Variants in LHFPL3 observed in about 807,000 individuals in gnomAD.
The protein encoded by LHFPL3 is LHFPL tetraspan subfamily member 3, also known as LHFPL tetraspan subfamily member 3 protein.
A neutral mutation model predicts 19.3 loss-of-function variants in LHFPL3; 5 were observed. The observed-to-expected ratio is 0.26, with a 90% CI of 0.14 to 0.54. LHFPL3 has a LOEUF of 0.54. LHFPL3 is among the 20% of genes least tolerant of loss of function. LHFPL3 has a pLI of 0.94. For missense variants in LHFPL3, 249 were observed against 307.4 expected (o/e 0.81, Z 1.42); for synonymous variants, 133 against 126.2 (o/e 1.05, Z -0.36).
At chr7:104,398,056 T>G (rs1489591039) in intron 1 of LHFPL3, among the ~76,000 whole-genome samples, 3 of 126,752 alleles carry the variant, frequency 2.4e-5, no homozygotes, top group Non-Finnish European at 4.9e-5. Flanking sequence ...TTCTATGCAT[T>G]TAACTTTTTT....
At chr7:104,804,838 T>C (rs1790323893) in intron 2 of LHFPL3, among the ~76,000 whole-genome samples, 1 of 152,226 alleles carries the variant, frequency 6.6e-6, no homozygotes, top group Non-Finnish European at 1.5e-5. Context: ...GTGAGAGATA[T>C]TGAGACAATG....
Position 104,696,445 on chromosome 7 carries a change from GGTGTGTGT to G in LHFPL3, c.446-40210_446-40203del, listed in dbSNP as rs5886329. Among the ~76,000 whole-genome samples the G allele has an allele frequency of 8.7e-4, 131 of 149,800 alleles. 1 individual carries two copies. The highest frequency in any genetic ancestry group is 6.9e-3 in the Middle Eastern group (2 of 290). ...AACAGAAAAATAAAAAGTGTTACTA[GGTGTGTGT>G]GTGTGTGTGTGTGTGTGTGCTTACA... On this transcript the variant is annotated intron_variant, in intron 1 of 2. Transcript: ENST00000424859.
At chr7:104,447,638 G>GCA (rs1792354590) in intron 1 of LHFPL3, among the ~76,000 whole-genome samples, 3 of 152,000 alleles carry the variant, frequency 2.0e-5, no homozygotes, top group African/African-American at 7.2e-5. Context: ...ACCAACGACT[G>GCA]CCATTTGTTC....
intron 1 of LHFPL3, among the ~76,000 whole-genome samples, chr7:104,630,754 T>C (rs1378855449): frequency 1.3e-5 from 2 of 152,120 alleles, no homozygotes; most frequent in African/African-American, 4.8e-5. Context: ...AGGTTGGATA[T>C]AAATAATTAT....
At chr7:104,743,082 C>T (rs1363970366) in intron 2 of LHFPL3, among the ~76,000 whole-genome samples, 1 of 152,160 alleles carries the variant, frequency 6.6e-6, no homozygotes, top group African/African-American at 2.4e-5. Flanking sequence ...GATCACGCCA[C>T]TGCACTCCAG....
At chr7:104,637,314 C>G (rs1252763969) in intron 1 of LHFPL3, among the ~76,000 whole-genome samples, 1 of 152,178 alleles carries the variant, frequency 6.6e-6, no homozygotes, top group Admixed American at 6.5e-5. Context: ...CAAAGATTTT[C>G]TACCATTCTA....
intron 1 of LHFPL3, among the ~76,000 whole-genome samples, chr7:104,358,668 C>A (rs940148678): frequency 2.6e-5 from 4 of 152,200 alleles, no homozygotes; most frequent in African/African-American, 9.7e-5. Flanking sequence ...TCTTCAGATA[C>A]AAGAAGCTTT....
chr7:104,847,324 C>T (rs1274927290), intron 2 of LHFPL3, among the ~76,000 whole-genome samples: 1 of 152,186 alleles, frequency 6.6e-6, no homozygotes, highest in Non-Finnish European at 1.5e-5. Context: ...GTCTCTGAGG[C>T]AGTCAGAGAA....
chr7:104,657,238 G>A (rs546888370), intron 1 of LHFPL3, among the ~76,000 whole-genome samples: 122 of 152,334 alleles, frequency 8.0e-4, no homozygotes, highest in Admixed American at 2.4e-3. Context: ...TAAACAAGTA[G>A]CAGTTTGTAC....
intron 2 of LHFPL3, among the ~76,000 whole-genome samples, chr7:104,814,296 G>A (rs2116508420): frequency 6.6e-6 from 1 of 152,112 alleles, no homozygotes; most frequent in Admixed American, 6.5e-5. Flanking sequence ...AGAGTGGGTG[G>A]CTCCTCTCTG....
At chr7:104,364,542 CTCTTG>C (rs1194563453) in intron 1 of LHFPL3, among the ~76,000 whole-genome samples, 2 of 152,200 alleles carry the variant, frequency 1.3e-5, no homozygotes, top group Admixed American at 6.5e-5. Flanking sequence ...CAAAATTGTA[CTCTTG>C]TCTTGGGGAC....
intron 1 of LHFPL3, among the ~76,000 whole-genome samples, chr7:104,650,647 G>A (rs79292669): frequency 0.086 from 13,048 of 151,942 alleles, 730 homozygotes; most frequent in Middle Eastern, 0.15. Flanking sequence ...AAGCTTTTTC[G>A]GCCTGAAGAA....
intron 2 of LHFPL3, among the ~76,000 whole-genome samples, chr7:104,884,538 C>T (rs735443): frequency 0.58 from 88,886 of 152,088 alleles, 26,379 homozygotes; most frequent in African/African-American, 0.66. Flanking sequence ...AGCTTGAAGA[C>T]TTCTGATATA....
intron 1 of LHFPL3, among the ~76,000 whole-genome samples, chr7:104,526,421 G>C (rs1419440420): frequency 6.6e-6 from 1 of 152,190 alleles, no homozygotes; most frequent in African/African-American, 2.4e-5. Context: ...GGAGCATTTT[G>C]CATAAAAATA....
At chr7:104,455,977 G>A (rs1792531342) in intron 1 of LHFPL3, among the ~76,000 whole-genome samples, 1 of 152,004 alleles carries the variant, frequency 6.6e-6, no homozygotes, top group Non-Finnish European at 1.5e-5. Flanking sequence ...TTTTTCTGAT[G>A]TCCAGTTCAG....
At chr7:104,737,349 A>G (rs902485848) in intron 2 of LHFPL3, among the ~76,000 whole-genome samples, 10 of 152,158 alleles carry the variant, frequency 6.6e-5, no homozygotes, top group African/African-American at 2.2e-4. Context: ...TCTTTATTAA[A>G]CTATTTGTGA....
chr7:104,718,850 CAG>C (rs1793438361), intron 1 of LHFPL3, among the ~76,000 whole-genome samples: 2 of 152,182 alleles, frequency 1.3e-5, no homozygotes. Flanking sequence ...TAGAGGCACA[CAG>C]AACTGCTAGC....
intron 1 of LHFPL3, among the ~76,000 whole-genome samples, chr7:104,337,731 T>A (rs1789856416): frequency 6.6e-6 from 1 of 152,216 alleles, no homozygotes; most frequent in Non-Finnish European, 1.5e-5. Flanking sequence ...GGTAAATACA[T>A]TTACAGAACA....
chr7:104,390,545 G>T (rs192586355), intron 1 of LHFPL3, among the ~76,000 whole-genome samples: 1 of 152,156 alleles, frequency 6.6e-6, no homozygotes, highest in African/African-American at 2.4e-5. Context: ...AGTATTCCAT[G>T]GTGTATATGT....
Sources: gnomAD v4.1 joint callset for allele counts (sites outside exome capture counted in the v4.1 genomes callset) on GRCh38, gnomAD v4.1.1 for gene constraint, MANE v1.5 for transcripts, NCBI Gene and HGNC (gene_info 2026-07-23, HGNC 2026-07-21) for gene names.